Variants in ZNF107 observed in about 807,000 individuals in gnomAD.
ZNF107 encodes the protein C2H2 type zinc-finger protein.
Under a neutral mutation model 12.3 loss-of-function variants are expected in ZNF107, and 19 were observed. That is an observed-to-expected ratio of 1.55 (90% CI 1.08 to 2.27). ZNF107 has a LOEUF of 2.27. ZNF107 is among the 30% of genes most tolerant of loss of function. ZNF107 has a pLI of 0.00. For synonymous variants in ZNF107, 317 were observed against 330.5 expected (o/e 0.96, Z 0.44); for missense variants, 958 against 979.9 (o/e 0.98, Z 0.30).
intron 1 of ZNF107, among the ~76,000 whole-genome samples, chr7:64,690,961 G>C (rs928311621): frequency 2.6e-5 from 4 of 151,852 alleles, no homozygotes; most frequent in Non-Finnish European, 5.9e-5. Flanking sequence ...GGCTGGTCTC[G>C]AACTCTTCAA....
At position 64,707,486 on chromosome 7, in the gene ZNF107, C is replaced by T. The variant is rs767264170; in HGVS notation, c.1389C>T (p.Asn463=). 4.3e-6 allele frequency: 7 copies of T among 1,613,004 alleles called. No individual in the cohort carries two copies. In the Admixed American group the frequency reaches 1.0e-4, roughly 23 times the overall value. The part of the protein sequence containing the change: ...YKCEECGKAF[N]QHSNLINHRK... Reference sequence around the variant, plus strand: ...GTGAAGAATGTGGCAAAGCTTTTAACCAACACTCAAACCTAATTAACCATA... The same window carrying T: ...GTGAAGAATGTGGCAAAGCTTTTAATCAACACTCAAACCTAATTAACCATA... The change falls in exon 4 of 4, where the codon AAC becomes AAT. Residue 463 remains asparagine, a synonymous_variant. Transcript: ENST00000620827.
Position 64,708,224 on chromosome 7 carries a change from A to G in ZNF107, c.2127A>G (p.Glu709=). The change falls in exon 4 of 4, where the codon GAA becomes GAG. Residue 709 remains glutamate, a synonymous_variant. Transcript: ENST00000620827. ...HTGEKPYQCA[E]CGKAFNCSST... ...GAGAGAAACCTTACCAATGTGCAGA[A>G]TGTGGCAAAGCCTTTAACTGCTCCT... 6.2e-7 allele frequency: 1 copy of G among 1,613,566 alleles called. No homozygotes were observed. The highest frequency in any genetic ancestry group is 8.5e-7 in the Non-Finnish European group (1 of 1,179,734).
chr7:64,682,114 C>T (rs927509616), intron 1 of ZNF107, among the ~76,000 whole-genome samples: 3 of 23,362 alleles, frequency 1.3e-4, no homozygotes, highest in South Asian at 1.5e-3. Flanking sequence ...TCCAGTATGT[C>T]GATGATCTCT....
chr7:64,708,914 C>T lies in ZNF107; in HGVS notation c.*258C>T, dbSNP rs1196300490. 1.2e-5 allele frequency: 7 copies of T among 569,336 alleles called. No individual in the cohort carries two copies. The highest frequency in any genetic ancestry group is 1.9e-5 in the Non-Finnish European group (6 of 316,628). 35.3% of individuals were successfully genotyped at this position (569,336 alleles called of 1,614,324 possible). On this transcript the variant is annotated 3_prime_UTR_variant, in exon 4 of 4. Transcript: ENST00000620827. ...AATGTGGCAAATCCTTTAACTGATCCTCAACTTTTACTAAACATAAGGTAA... is the reference window on the plus strand; with the variant it reads ...AATGTGGCAAATCCTTTAACTGATCTTCAACTTTTACTAAACATAAGGTAA...
chr7:64,693,552 T>A (rs1175792143), intron 3 of ZNF107, among the ~76,000 whole-genome samples: 1 of 152,134 alleles, frequency 6.6e-6, no homozygotes, highest in Non-Finnish European at 1.5e-5. Flanking sequence ...GTCACAAGGA[T>A]GTTGGGTCTG....
rs1790111971 is a variant in ZNF107, at chr7:64,691,347, G to C, written c.103G>C (p.Glu35Gln). 1 of 1,516,344 alleles carries C rather than the reference G, an allele frequency of 6.6e-7. No homozygotes were observed. The highest frequency in any genetic ancestry group is 1.4e-5 in the African/African-American group (1 of 70,486). The allele number at this position is 1,516,344 out of a possible 1,614,324, so 93.9% of individuals were successfully genotyped here. The change falls in exon 2 of 4, where the codon GAG becomes CAG. Residue 35 changes from glutamate to glutamine, a missense_variant. Glu to Gln is a conservative substitution (Grantham distance 29). Transcript: ENST00000620827. ...GGATTTATATAGGAATGTGTTGTTA[G>C]AGAACTACAGAAACCTGGTCTTTTT... ...QRDLYRNVLL[E>Q]NYRNLVFLGI... is the part of the protein sequence containing the mutation.
At chr7:64,704,776 A>G (rs1336656051) in intron 3 of ZNF107, among the ~76,000 whole-genome samples, 1 of 152,056 alleles carries the variant, frequency 6.6e-6, no homozygotes, top group African/African-American at 2.4e-5. Flanking sequence ...CCAGGGTTCA[A>G]GCGATTCTTC....
At chr7:64,685,210 G>A (rs1384353450) in intron 1 of ZNF107, among the ~76,000 whole-genome samples, 1 of 152,260 alleles carries the variant, frequency 6.6e-6, no homozygotes, top group East Asian at 1.9e-4. Context: ...TACAAACGCT[G>A]TCTTAACTTT....
chr7:64,683,499 ACTACTCTT>A (rs1789770717), intron 1 of ZNF107, among the ~76,000 whole-genome samples: 1 of 152,056 alleles, frequency 6.6e-6, no homozygotes, highest in Non-Finnish European at 1.5e-5. Flanking sequence ...ATCCCTACCT[ACTACTCTT>A]CTTCTGAAAA....
At chr7:64,686,992 T>C in intron 1 of ZNF107, 1 of 985,498 alleles carries the variant, frequency 1.0e-6, no homozygotes, top group Non-Finnish European at 1.2e-6. Flanking sequence ...TTTTTCATAC[T>C]GAGGGTAGCT....
chr7:64,710,818 T>G lies in ZNF107; in HGVS notation c.*2162T>G, dbSNP rs1304549252. The G allele has an allele frequency of 6.6e-6, 1 of 152,198 alleles. No individual in the cohort carries two copies. The highest frequency in any genetic ancestry group is 1.5e-5 in the Non-Finnish European group (1 of 68,004). The allele number at this position is 152,198 out of a possible 1,614,324, so 9.4% of individuals were successfully genotyped here. A position where few individuals can be genotyped will look rare whatever the true frequency, so the allele number is the denominator to read the frequency against. ...ATGAAAGAATAAGGACATTAAAATG[T>G]AAGATGCATGATGAAAACCTGAGTG... On this transcript the variant is annotated 3_prime_UTR_variant, in exon 4 of 4. Transcript: ENST00000620827.
chr7:64,702,864 C>CT (rs769740222), intron 3 of ZNF107, among the ~76,000 whole-genome samples: 1 of 152,154 alleles, frequency 6.6e-6, no homozygotes, highest in Admixed American at 6.5e-5. Context: ...CAGCCTACCT[C>CT]TTTTTTTGGG....
intron 3 of ZNF107, among the ~76,000 whole-genome samples, chr7:64,698,453 G>T: frequency 6.7e-6 from 1 of 149,170 alleles, no homozygotes. Flanking sequence ...AGACTGTCTT[G>T]CTCTTGTTGC....
At chr7:64,677,487 TA>T (rs757546503) in intron 1 of ZNF107, among the ~76,000 whole-genome samples, 6 of 145,550 alleles carry the variant, frequency 4.1e-5, no homozygotes, top group Non-Finnish European at 7.5e-5. Context: ...TTTTTTTTTA[TA>T]ACACCTTTCT....
intron 3 of ZNF107, among the ~76,000 whole-genome samples, chr7:64,693,385 T>C (rs1022977019): frequency 2.0e-5 from 3 of 150,596 alleles, no homozygotes; most frequent in African/African-American, 7.3e-5. Context: ...GCATTGACAA[T>C]GGGCACAATA....
chr7:64,677,389 C>T (rs1408064873), intron 1 of ZNF107, among the ~76,000 whole-genome samples: 1 of 151,510 alleles, frequency 6.6e-6, no homozygotes, highest in East Asian at 2.0e-4. Context: ...TCAGGCTGGT[C>T]TCGAACTCAT....
In ZNF107 at chr7:64,708,218, T is replaced by C. The variant is rs1372980075; in HGVS notation, c.2121T>C (p.Cys707=). The C allele has an allele frequency of 1.9e-6, 3 of 1,613,432 alleles. No homozygotes were observed. The highest frequency in any genetic ancestry group is 3.3e-5 in the Admixed American group (2 of 59,944). The part of the protein sequence containing the change: ...RIHTGEKPYQ[C]AECGKAFNCS... ...ATACGGGAGAGAAACCTTACCAATGTGCAGAATGTGGCAAAGCCTTTAACT... is the reference window on the plus strand; with the variant it reads ...ATACGGGAGAGAAACCTTACCAATGCGCAGAATGTGGCAAAGCCTTTAACT... Residue 707 remains cysteine (C), a synonymous_variant, in exon 4 of 4, where the codon TGT becomes TGC. Transcript: ENST00000620827.
chr7:64,677,144 T>G (rs1789443405), intron 1 of ZNF107, among the ~76,000 whole-genome samples: 1 of 152,012 alleles, frequency 6.6e-6, no homozygotes, highest in Non-Finnish European at 1.5e-5. Flanking sequence ...GAGATTTGTC[T>G]TGTCATTTTT....
rs1023506484 is a variant in ZNF107 at position 64,698,542 on chromosome 7, C to T, written c.226+6582C>T. On this transcript the variant is annotated intron_variant, in intron 3 of 3. Transcript: ENST00000620827. ...GGTTCAAGCATTCTCCTGCCTCAGC[C>T]TCTCCAGTAGCTGGGATTACAGGCT... Among the ~76,000 whole-genome samples the T allele has an allele frequency of 2.0e-5, 3 of 152,052 alleles. 1 individual carries two copies. Among genetic ancestry groups the T allele is most frequent in the Admixed American group, 2.0e-4 (3 of 15,252 alleles).
Sources: gnomAD v4.1 joint callset for allele counts (sites outside exome capture counted in the v4.1 genomes callset) on GRCh38, gnomAD v4.1.1 for gene constraint, MANE v1.5 for transcripts, NCBI Gene and HGNC (gene_info 2026-07-23, HGNC 2026-07-21) for gene names.